Variants in LYZL4 observed in about 807,000 individuals in gnomAD.
The protein encoded by LYZL4 is lysozyme like 4, also known as lysozyme-like protein 4.
LYZL4 carries 13 observed loss-of-function variants against 17.6 expected under a neutral mutation model. The observed-to-expected ratio is 0.74, with a 90% CI of 0.48 to 1.18. The LOEUF is 1.18. Ranked by LOEUF, LYZL4 falls within the 50% of genes most tolerant of loss-of-function variation. The pLI is 0.00. For missense variants in LYZL4, 174 were observed against 188.2 expected, an observed-to-expected ratio of 0.92 and a Z score of 0.44; for synonymous variants, 64 against 67.7, an observed-to-expected ratio of 0.95 and a Z score of 0.27.
the LYZL4 span, among the ~76,000 whole-genome samples, chr3:42,381,438 G>A: frequency 6.6e-6 from 1 of 152,202 alleles, no homozygotes; most frequent in African/African-American, 2.4e-5. Flanking sequence ...AAGAAGGGAT[G>A]AACTAGGCCA....
chr3:42,386,965 T>A, the LYZL4 span, among the ~76,000 whole-genome samples: 1 of 152,214 alleles, frequency 6.6e-6, no homozygotes, highest in Admixed American at 6.5e-5. Context: ...ATGTTTAAAA[T>A]TTTCCATAAT....
At chr3:42,387,398 A>G in the LYZL4 span, among the ~76,000 whole-genome samples, 2 of 152,212 alleles carry the variant, frequency 1.3e-5, no homozygotes, top group East Asian at 1.9e-4. Flanking sequence ...TCTTACAACT[A>G]TAAGAGAGAC....
rs1430868048 is a variant in LYZL4, at chr3:42,403,235, A to G, written c.371+811T>C. 2.6e-5 allele frequency among the ~76,000 whole-genome samples: 4 copies of G among 152,146 alleles called. No individual in the cohort carries two copies. In the East Asian group the frequency reaches 7.7e-4, roughly 29 times the overall value. On this transcript the variant is annotated intron_variant, in intron 4 of 4. Transcript: ENST00000287748. ...ACCCGAATGGGATATGATAAAAGACAAAAGAAGATAAGACAAAATTATTAT... is the reference window on the plus strand; with the variant it reads ...ACCCGAATGGGATATGATAAAAGACGAAAGAAGATAAGACAAAATTATTAT...
At chr3:42,385,842 T>G in the LYZL4 span, among the ~76,000 whole-genome samples, 1 of 152,190 alleles carries the variant, frequency 6.6e-6, no homozygotes, top group African/African-American at 2.4e-5. Flanking sequence ...AAGCATGAAC[T>G]AAGAAAACAC....
the LYZL4 span, among the ~76,000 whole-genome samples, chr3:42,373,230 GT>G: frequency 1.3e-5 from 2 of 152,036 alleles, no homozygotes; most frequent in Non-Finnish European, 2.9e-5. Context: ...CAAAAAAAGA[GT>G]TAGGATGCAA....
the LYZL4 span, among the ~76,000 whole-genome samples, chr3:42,362,142 A>C: frequency 6.6e-6 from 1 of 152,208 alleles, no homozygotes; most frequent in Non-Finnish European, 1.5e-5. Context: ...GAGGGGAAAA[A>C]AGAAAAAATA....
chr3:42,406,453 CAAAAA>C (rs565639489), intron 3 of LYZL4, among the ~76,000 whole-genome samples: 4 of 84,158 alleles, frequency 4.8e-5, no homozygotes, highest in Admixed American at 1.4e-4. Context: ...GACTCCGTCT[CAAAAA>C]AAAAAAAAAA....
At chr3:42,408,168 G>A (rs1370066278) in intron 1 of LYZL4, among the ~76,000 whole-genome samples, 16 of 152,088 alleles carry the variant, frequency 1.1e-4, no homozygotes, top group Non-Finnish European at 2.4e-4. Flanking sequence ...CCATGACTGA[G>A]GAATGTCCCC....
rs1698844959 is a variant in LYZL4, at chr3:42,410,604, C to T, written c.-280G>A. The T allele has an allele frequency of 6.6e-6, 1 of 152,230 alleles. No homozygotes were observed. The highest frequency in any genetic ancestry group is 1.5e-5 in the Non-Finnish European group (1 of 68,032). 9.4% of individuals were successfully genotyped at this position (152,230 alleles called of 1,614,324 possible). On this transcript the variant is annotated 5_prime_UTR_variant, in exon 1 of 5. Transcript: ENST00000287748. ...GCACCCAAGAGTTCTCCATGACATG[C>T]TCTTCTAGAATCCTTTCTATGACAT... is the stretch of plus-strand genomic sequence containing the variant.
In LYZL4 at chr3:42,403,903, G is replaced by A. The variant is rs1698703557; in HGVS notation, c.371+143C>T. 1.5e-5 allele frequency: 8 copies of A among 550,050 alleles called. No individual in the cohort carries two copies. In the South Asian group the frequency reaches 2.3e-4, roughly 16 times the overall value. 34.1% of individuals were successfully genotyped at this position (550,050 alleles called of 1,614,324 possible). ...TTCCCTCTGTGGCCTTGAGGTTGTG[G>A]TTTTCTGCTACTTACCTTGGTGAGT... On this transcript the variant is annotated intron_variant, in intron 4 of 4. Coordinates refer to ENST00000287748, the MANE Select transcript of LYZL4 (RefSeq NM_144634.4).
the LYZL4 span, among the ~76,000 whole-genome samples, chr3:42,361,973 T>A: frequency 1.3e-5 from 2 of 152,216 alleles, no homozygotes; most frequent in South Asian, 2.1e-4. Context: ...ATTCCTTTTT[T>A]AATTAAAAGA....
At chr3:42,398,455 A>T (rs893004237) in intron 4 of LYZL4, among the ~76,000 whole-genome samples, 1 of 152,246 alleles carries the variant, frequency 6.6e-6, no homozygotes, top group Non-Finnish European at 1.5e-5. Context: ...CGGACCATAT[A>T]TGAAAGGTAT....
the LYZL4 span, among the ~76,000 whole-genome samples, chr3:42,376,717 G>GT: frequency 2.0e-5 from 3 of 152,162 alleles, no homozygotes; most frequent in African/African-American, 7.2e-5. Flanking sequence ...CTTCCCACTG[G>GT]TAGCCTCAAC....
chr3:42,400,731 G>C (rs922614644), intron 4 of LYZL4, among the ~76,000 whole-genome samples: 1 of 152,128 alleles, frequency 6.6e-6, no homozygotes, highest in Non-Finnish European at 1.5e-5. Flanking sequence ...TCTATCTGGA[G>C]ATTACAATGT....
chr3:42,368,822 C>T, the LYZL4 span, among the ~76,000 whole-genome samples: 1 of 152,216 alleles, frequency 6.6e-6, no homozygotes, highest in African/African-American at 2.4e-5. Flanking sequence ...AAAATACTTG[C>T]CATTTAGTAG....
chr3:42,367,305 C>T, the LYZL4 span, among the ~76,000 whole-genome samples: 1 of 152,170 alleles, frequency 6.6e-6, no homozygotes, highest in Non-Finnish European at 1.5e-5. Flanking sequence ...ATATAAATCC[C>T]TGATATGACA....
chr3:42,407,010 C>A lies in LYZL4; in HGVS notation c.140-12G>T. On this transcript the variant is annotated splice_polypyrimidine_tract_variant and intron_variant, in intron 2 of 4. Transcript: ENST00000287748. ...GGCCAGGCACACCCCTAAGATGGAA[C>A]AGAAGGTGTGTGACTCTGAGGACAG... 1 of 1,614,148 alleles carries A rather than the reference C, an allele frequency of 6.2e-7. No homozygotes were observed. The highest frequency in any genetic ancestry group is 8.5e-7 in the Non-Finnish European group (1 of 1,180,012).
the LYZL4 span, among the ~76,000 whole-genome samples, chr3:42,391,213 C>T: frequency 1.0e-3 from 156 of 152,146 alleles, no homozygotes; most frequent in Admixed American, 1.8e-3. Flanking sequence ...TCAAATGAAA[C>T]ATATAACAGG....
rs1193799165 is a variant in LYZL4 at position 42,410,430 on chromosome 3, CT to C, written c.-107del. On this transcript the variant is annotated 5_prime_UTR_variant, in exon 1 of 5. The change creates a premature stop within an existing upstream ORF in the 5' untranslated region. Transcript: ENST00000287748. ...ATACCCGCCTACCAGTCCACCAGCC[CT>C]TCCAAAGGCTGGCTTTTGGTGCCTT... The C allele has an allele frequency of 1.3e-5, 2 of 152,244 alleles. No homozygotes were observed. Among genetic ancestry groups the C allele is most frequent in the Non-Finnish European group, 2.9e-5 (2 of 68,054 alleles). The allele number at this position is 152,244 out of a possible 1,614,324, so 9.4% of individuals were successfully genotyped here. A position where few individuals can be genotyped will look rare whatever the true frequency, so the allele number is the denominator to read the frequency against.
Sources: allele counts gnomAD v4.1 joint callset (sites outside exome capture counted in the v4.1 genomes callset), GRCh38; gene constraint gnomAD v4.1.1; transcripts MANE v1.5; gene names NCBI Gene and HGNC (gene_info 2026-07-23, HGNC 2026-07-21).